Variants in CHST9 observed in about 807,000 individuals in gnomAD.
CHST9 encodes carbohydrate sulfotransferase 9, also known as GalNAc-4-sulfotransferase 2.
Under a neutral mutation model 44.4 loss-of-function variants are expected in CHST9, and 41 were observed. The observed-to-expected ratio is 0.92, with a 90% confidence interval of 0.72 to 1.20. The LOEUF is 1.20. Among genes scored for constraint, CHST9 ranks in the 50% most tolerant of loss-of-function variants. The pLI is 0.00. For missense variants in CHST9, 504 were observed against 516.5 expected (o/e 0.98, Z 0.23); for synonymous variants, 171 against 178.4 (o/e 0.96, Z 0.33).
At chr18:27,166,845 G>A (rs987098975) in intron 1 of CHST9, among the ~76,000 whole-genome samples, 2 of 152,098 alleles carry the variant, frequency 1.3e-5, no homozygotes, top group South Asian at 2.1e-4. Flanking sequence ...TAAGTTTTAC[G>A]TGGCACAGGA....
intron 2 of CHST9, among the ~76,000 whole-genome samples, chr18:27,052,325 T>C (rs2057578395): frequency 6.6e-6 from 1 of 151,788 alleles, no homozygotes; most frequent in African/African-American, 2.4e-5. Flanking sequence ...TATATATGTA[T>C]ATATGTGTGT....
chr18:26,916,704 T>C lies in CHST9; in HGVS notation c.887A>G (p.His296Arg). 6.2e-7 allele frequency: 1 copy of C among 1,613,878 alleles called. No homozygotes were observed. The highest frequency in any genetic ancestry group is 1.1e-5 in the South Asian group (1 of 91,074). Residue 296 changes from histidine (H) to arginine (R), a missense_variant, in exon 6 of 6, where the codon CAC becomes CGC. Transcript: ENST00000618847. ...LVSAFRDKFEHPNSYYHPVFG... is the reference protein window; with the variant it reads ...LVSAFRDKFERPNSYYHPVFG... ...TACTGGATGGTAATAACTATTGGGG[T>C]GTTCAAATTTGTCCCTAAAGGCTGA...
intron 1 of CHST9, among the ~76,000 whole-genome samples, chr18:27,151,790 A>G (rs2143899183): frequency 6.6e-6 from 1 of 152,344 alleles, no homozygotes; most frequent in African/African-American, 2.4e-5. Context: ...CCAGAGCTAC[A>G]GAAGGGACCG....
intron 4 of CHST9, among the ~76,000 whole-genome samples, chr18:26,989,044 GAA>G (rs1169599453): frequency 6.6e-6 from 1 of 151,916 alleles, no homozygotes; most frequent in African/African-American, 2.4e-5. Flanking sequence ...AAGAAAAAAA[GAA>G]AAGTCTCAAG....
chr18:26,932,783 C>T (rs561770866), intron 5 of CHST9, among the ~76,000 whole-genome samples: 1 of 152,338 alleles, frequency 6.6e-6, no homozygotes, highest in South Asian at 2.1e-4. Context: ...CTTCTCTGGG[C>T]TTCTCTTATA....
chr18:27,106,070 T>C (rs1018334912), intron 2 of CHST9, among the ~76,000 whole-genome samples: 1 of 152,208 alleles, frequency 6.6e-6, no homozygotes, highest in Non-Finnish European at 1.5e-5. Context: ...ATGTAACTTA[T>C]ATAGTTAGAA....
intron 5 of CHST9, among the ~76,000 whole-genome samples, 175 bp downstream of exon 5, chr18:26,944,154 G>C (rs893100978): frequency 5.9e-5 from 9 of 152,172 alleles, no homozygotes; most frequent in Non-Finnish European, 1.3e-4. Flanking sequence ...AGGAGACAAA[G>C]AAAGCGCATG....
At chr18:27,164,005 G>C (rs2143938457) in intron 1 of CHST9, among the ~76,000 whole-genome samples, 1 of 152,288 alleles carries the variant, frequency 6.6e-6, no homozygotes, top group Non-Finnish European at 1.5e-5. Context: ...AGACAAAGGA[G>C]TGATAACTAA....
chr18:27,038,135 T>A (rs1192655597), intron 3 of CHST9, among the ~76,000 whole-genome samples: 1 of 152,210 alleles, frequency 6.6e-6, no homozygotes, highest in African/African-American at 2.4e-5. Context: ...CTTATGAAAA[T>A]GACAAGAATT....
At chr18:27,149,406 G>T (rs927842436) in intron 1 of CHST9, among the ~76,000 whole-genome samples, 3 of 152,052 alleles carry the variant, frequency 2.0e-5, no homozygotes, top group Non-Finnish European at 4.4e-5. Context: ...GTATTCCACG[G>T]TATAGACGTA....
chr18:26,959,359 T>C (rs67822335), intron 4 of CHST9, among the ~76,000 whole-genome samples: 15,887 of 152,116 alleles, frequency 0.1, 1,698 homozygotes, highest in African/African-American at 0.28. Context: ...AAACTAACTA[T>C]TGGGTACTGT....
intron 2 of CHST9, among the ~76,000 whole-genome samples, chr18:27,113,230 A>G (rs1240141650): frequency 1.3e-5 from 2 of 151,818 alleles, no homozygotes; most frequent in Non-Finnish European, 2.9e-5. Flanking sequence ...ACCAATCAGT[A>G]CTATCACATA....
At chr18:26,919,231 C>T (rs569555582) in intron 5 of CHST9, among the ~76,000 whole-genome samples, 390 of 152,192 alleles carry the variant, frequency 2.6e-3, no homozygotes, top group South Asian at 7.1e-3. Context: ...ACCATATCAC[C>T]CCCTGAAACG....
At chr18:27,010,015 C>G (rs2057063749) in intron 4 of CHST9, among the ~76,000 whole-genome samples, 1 of 152,170 alleles carries the variant, frequency 6.6e-6, no homozygotes, top group Non-Finnish European at 1.5e-5. Flanking sequence ...ATATCTAACC[C>G]TCTAACCTCA....
intron 5 of CHST9, among the ~76,000 whole-genome samples, chr18:26,939,519 T>A (rs2056050135): frequency 6.6e-6 from 1 of 152,184 alleles, no homozygotes; most frequent in African/African-American, 2.4e-5. Flanking sequence ...CTGAGCAGGA[T>A]CATTCCCAAC....
intron 4 of CHST9, among the ~76,000 whole-genome samples, chr18:26,969,079 A>G (rs2056503850): frequency 6.6e-6 from 1 of 151,214 alleles, no homozygotes; most frequent in Non-Finnish European, 1.5e-5. Context: ...GCTCACTGCA[A>G]GCTCCGCCTC....
intron 4 of CHST9, among the ~76,000 whole-genome samples, chr18:26,968,785 G>A (rs879230921): frequency 6.6e-6 from 1 of 151,986 alleles, no homozygotes; most frequent in African/African-American, 2.4e-5. Flanking sequence ...TTAAAAATTT[G>A]ACACATTTGA....
In CHST9 at chr18:27,115,628, C is replaced by A. The variant is rs149650041; in HGVS notation, c.121+27061G>T. 6.4e-4 allele frequency among the ~76,000 whole-genome samples: 97 copies of A among 152,252 alleles called. 1 individual carries two copies. The highest frequency in any genetic ancestry group is 1.1e-3 in the Non-Finnish European group (74 of 68,002). On this transcript the variant is annotated intron_variant, in intron 2 of 5. Transcript: ENST00000618847. ...CTCTTGAGCTCAAGCAATCCTCCTG[C>A]CTCAGCCTGCTGTGTAGCTGGTACC...
intron 4 of CHST9, among the ~76,000 whole-genome samples, chr18:26,970,360 T>C (rs925916711): frequency 2.5e-4 from 38 of 152,322 alleles, no homozygotes; most frequent in African/African-American, 6.7e-4. Context: ...ATCTGCCAGG[T>C]ACAATTCTAA....
Sources: gnomAD v4.1 joint callset for allele counts (sites outside exome capture counted in the v4.1 genomes callset) on GRCh38, gnomAD v4.1.1 for gene constraint, MANE v1.5 for transcripts, NCBI Gene and HGNC (gene_info 2026-07-23, HGNC 2026-07-21) for gene names.